Variants in SDAD1 observed in about 807,000 individuals in gnomAD.
The protein encoded by SDAD1 is SDA1 domain containing 1.
Under a neutral mutation model 100.3 loss-of-function variants are expected in SDAD1, and 79 were observed. The ratio of observed to expected loss-of-function variants is 0.79; its 90% CI spans 0.66 to 0.95. The LOEUF is 0.95. Ranked by LOEUF, SDAD1 falls within the 40% of genes least tolerant of loss-of-function variation. SDAD1 has a pLI of 0.00. For missense variants in SDAD1, 790 were observed against 810.9 expected (o/e 0.97, Z 0.31); for synonymous variants, 267 against 271.4 (o/e 0.98, Z 0.16).
intron 1 of SDAD1, among the ~76,000 whole-genome samples, chr4:75,987,420 G>GTT (rs1730966967): frequency 1.3e-5 from 2 of 152,130 alleles, no homozygotes; most frequent in African/African-American, 4.8e-5. Context: ...TAAACCTTCT[G>GTT]TAATCAGATT....
chr4:75,977,803 A>C (rs770137663), intron 3 of SDAD1, 47 bp from the exon 4 acceptor site: 91 of 1,162,340 alleles, frequency 7.8e-5, no homozygotes, highest in Non-Finnish European at 1.4e-5. Flanking sequence ...AAAGTTAACA[A>C]GGTGAGAAAA....
At chr4:75,965,501 A>T (rs1202340555) in intron 13 of SDAD1, among the ~76,000 whole-genome samples, 1 of 152,014 alleles carries the variant, frequency 6.6e-6, no homozygotes, top group Non-Finnish European at 1.5e-5. Flanking sequence ...TCCCCTTTCG[A>T]AAATCACTAA....
intron 1 of SDAD1, among the ~76,000 whole-genome samples, chr4:75,988,485 C>T (rs1326879635): frequency 6.6e-6 from 1 of 152,188 alleles, no homozygotes; most frequent in African/African-American, 2.4e-5. Flanking sequence ...CCTTCCCTAA[C>T]TATCCAATTT....
chr4:75,981,838 C>A, intron 2 of SDAD1, 95 bp downstream of exon 2: 2 of 906,762 alleles, frequency 2.2e-6, no homozygotes, highest in South Asian at 1.7e-5. Context: ...AATTAAGTTC[C>A]CATTCCAGAG....
In SDAD1 at chr4:75,973,398, A is replaced by G; in HGVS notation, c.637-7T>C. 6.2e-7 allele frequency: 1 copy of G among 1,609,942 alleles called. No homozygotes were observed. Among genetic ancestry groups the G allele is most frequent in the South Asian group, 1.1e-5 (1 of 90,994 alleles). The stretch of plus-strand genomic sequence containing the variant: ...TCAAAGCGGCAACTAATATCTAAAC[A>G]CCAATGAGAAAAAAGTCAGCTACTT... On this transcript the variant is annotated splice_polypyrimidine_tract_variant and splice_region_variant and intron_variant, in intron 7 of 21. Coordinates refer to ENST00000356260, the MANE Select transcript of SDAD1 (RefSeq NM_018115.4).
At chr4:75,987,708 G>A (rs1730987580) in intron 1 of SDAD1, among the ~76,000 whole-genome samples, 1 of 152,078 alleles carries the variant, frequency 6.6e-6, no homozygotes. Context: ...CACCATGTTG[G>A]TCAGGCTGGT....
chr4:75,981,656 T>C, intron 2 of SDAD1, 186 bp from the exon 3 acceptor site: 1 of 1,009,948 alleles, frequency 9.9e-7, no homozygotes, highest in Non-Finnish European at 1.5e-6. Flanking sequence ...TTCTCTAGTC[T>C]TAGTAATATT....
intron 21 of SDAD1, among the ~76,000 whole-genome samples, chr4:75,953,407 C>T (rs1358886635): frequency 6.6e-6 from 1 of 152,166 alleles, no homozygotes; most frequent in African/African-American, 2.4e-5. Context: ...TTCCTCAACC[C>T]TGAAATGTTA....
At chr4:75,951,908 T>G (rs1728647493) in intron 21 of SDAD1, among the ~76,000 whole-genome samples, 1 of 152,234 alleles carries the variant, frequency 6.6e-6, no homozygotes, top group African/African-American at 2.4e-5. Context: ...AATTTTTATT[T>G]TAAAATTCTA....
intron 16 of SDAD1, among the ~76,000 whole-genome samples, chr4:75,960,431 C>A (rs1340558713): frequency 6.6e-6 from 1 of 152,150 alleles, no homozygotes; most frequent in Non-Finnish European, 1.5e-5. Flanking sequence ...CACGCACCAC[C>A]ACACCCAGCT....
Position 75,969,227 on chromosome 4 carries a change from T to C in SDAD1, c.987+69A>G, listed in dbSNP as rs543674095. ...AAAATTAAGCCACTGCTCTACCTAATGGCTTTTCTTTTACCATGGTAAATT... is the reference window on the plus strand; with the variant it reads ...AAAATTAAGCCACTGCTCTACCTAACGGCTTTTCTTTTACCATGGTAAATT... On this transcript the variant is annotated intron_variant, in intron 11 of 21. Coordinates refer to ENST00000356260, the MANE Select transcript of SDAD1 (RefSeq NM_018115.4). 20 of 1,243,242 alleles carry C rather than the reference T, an allele frequency of 1.6e-5. No homozygotes were observed. In the South Asian group the frequency reaches 2.1e-4, roughly 13 times the overall value. The allele number at this position is 1,243,242 out of a possible 1,614,324, so 77.0% of individuals were successfully genotyped here. A position where few individuals can be genotyped will look rare whatever the true frequency, so the allele number is the denominator to read the frequency against.
intron 14 of SDAD1, among the ~76,000 whole-genome samples, chr4:75,962,079 T>A (rs934137002): frequency 2.0e-5 from 3 of 152,158 alleles, no homozygotes; most frequent in African/African-American, 4.8e-5. Context: ...CCCCGGTGTG[T>A]GATGTTCCCC....
intron 17 of SDAD1, 71 bp downstream of exon 17, chr4:75,959,995 A>G (rs1729137768): frequency 2.7e-6 from 4 of 1,461,506 alleles, no homozygotes; most frequent in Non-Finnish European, 3.7e-6. Flanking sequence ...TTCAAATAGT[A>G]TACAATTTAA....
intron 1 of SDAD1, among the ~76,000 whole-genome samples, chr4:75,987,798 G>A (rs768381758): frequency 8.5e-5 from 13 of 152,196 alleles, no homozygotes; most frequent in East Asian, 1.9e-4. Flanking sequence ...CACCGTGCCC[G>A]ACCCCATGTT....
chr4:75,959,991 T>C (rs1479435761), intron 17 of SDAD1, 75 bp downstream of exon 17: 17 of 1,432,576 alleles, frequency 1.2e-5, no homozygotes, highest in Middle Eastern at 5.2e-4. Flanking sequence ...AATGTTCAAA[T>C]AGTATACAAT....
chr4:75,954,254 C>A (rs986752951), intron 21 of SDAD1, among the ~76,000 whole-genome samples: 1 of 151,996 alleles, frequency 6.6e-6, no homozygotes, highest in Non-Finnish European at 1.5e-5. Flanking sequence ...TGGTGGCGGG[C>A]ACCTGTAGTC....
rs3195609 is a variant in SDAD1, at chr4:75,975,824, G to A, written c.498C>T (p.Tyr166=). ...KVNVVLQNFM[Y]TMLRDSNATA... ...TTGCATTGCTATCTCTTAACATGGT[G>A]TACATGAAATTTTGCAATACCTGCA... Residue 166 remains tyrosine, a synonymous_variant, in exon 6 of 22, where the codon TAC becomes TAT. Coordinates refer to ENST00000356260, the MANE Select transcript of SDAD1 (RefSeq NM_018115.4). 7.4e-6 allele frequency: 12 copies of A among 1,613,734 alleles called. No individual in the cohort carries two copies. The highest frequency in any genetic ancestry group is 1.0e-5 in the Non-Finnish European group (12 of 1,179,818).
Position 75,981,394 on chromosome 4 carries a change from A to G in SDAD1, c.272T>C (p.Val91Ala), listed in dbSNP as rs529805943. 15 of 1,613,908 alleles carry G rather than the reference A, an allele frequency of 9.3e-6. No homozygotes were observed. The South Asian group carries it at 1.4e-4, about 15-fold the overall frequency. Reference protein sequence around the residue: ...VKDLLSCNHTVLDPDLRMTFC... With the variant: ...VKDLLSCNHTALDPDLRMTFC... ...TACCATTCGCAGATCTGGATCCAAT[A>G]CGGTATGATTGCAGGAGAGAAGATC... is the stretch of plus-strand genomic sequence containing the variant. Residue 91 changes from valine (V) to alanine (A), a missense_variant, in exon 3 of 22, where the codon GTA (valine) becomes GCA (alanine). By Grantham distance (64) the Val-to-Ala change is moderately conservative. Transcript: ENST00000356260.
chr4:75,987,716 G>A (rs1036881076), intron 1 of SDAD1, among the ~76,000 whole-genome samples: 1 of 152,116 alleles, frequency 6.6e-6, no homozygotes, highest in Non-Finnish European at 1.5e-5. Context: ...TGGTCAGGCT[G>A]GTCTTGAACT....
Sources: allele counts gnomAD v4.1 joint callset (sites outside exome capture counted in the v4.1 genomes callset), GRCh38; gene constraint gnomAD v4.1.1; transcripts MANE v1.5; gene names NCBI Gene and HGNC (gene_info 2026-07-23, HGNC 2026-07-21).